SNX29: variants seen among roughly 807,000 people sequenced by gnomAD.
SNX29 encodes sorting nexin 29.
Under a neutral mutation model 102.1 loss-of-function variants are expected in SNX29, and 78 were observed. That is an observed-to-expected ratio of 0.76 (90% confidence interval 0.64 to 0.92). The LOEUF (loss-of-function observed/expected upper bound fraction) is 0.92, where lower values mean the gene tolerates loss of function less well. Ranked by LOEUF, SNX29 falls within the 40% of genes least tolerant of loss-of-function variation. SNX29 has a pLI of 0.00. For missense variants in SNX29, 1,280 were observed against 1,061.7 expected (o/e 1.21, Z -2.86); for synonymous variants, 580 against 414.5 (o/e 1.40, Z -4.85).
chr16:12,559,522 C>G (rs546334376), intron 20 of SNX29, among the ~76,000 whole-genome samples: 5 of 152,052 alleles, frequency 3.3e-5, no homozygotes, highest in African/African-American at 7.2e-5. Context: ...CACTTTGTAT[C>G]TCAAAAGCAT....
intron 14 of SNX29, among the ~76,000 whole-genome samples, chr16:12,260,495 C>G (rs1461004467): frequency 6.6e-6 from 1 of 152,190 alleles, no homozygotes; most frequent in East Asian, 1.9e-4. Flanking sequence ...GTCTAGAAGT[C>G]TCTCCACAAA....
intron 18 of SNX29, 33 bp downstream of exon 18, chr16:12,403,562 C>G: frequency 1.9e-6 from 3 of 1,574,130 alleles, no homozygotes; most frequent in Non-Finnish European, 2.6e-6. Context: ...GACATCACAG[C>G]TGGGTGGAAA....
At position 12,572,121 on chromosome 16, in the gene SNX29, G is replaced by A. The variant is rs2079200767; in HGVS notation, c.*3492G>A. 6.8e-6 allele frequency: 7 copies of A among 1,034,736 alleles called. No individual in the cohort carries two copies. The highest frequency in any genetic ancestry group is 8.2e-6 in the Non-Finnish European group (7 of 851,870). 64.1% of individuals were successfully genotyped at this position (1,034,736 alleles called of 1,614,324 possible). A position where few individuals can be genotyped will look rare whatever the true frequency, so the allele number is the denominator to read the frequency against. ...TGGACTGGGTCTGATCACAGCCCTT[G>A]GCCCTGCTTCATACTTTGGAGCTTA... On this transcript the variant is annotated 3_prime_UTR_variant, in exon 21 of 21. Coordinates refer to ENST00000566228, the MANE Select transcript of SNX29 (RefSeq NM_032167.5).
At chr16:12,567,220 A>G (rs569842448) in intron 20 of SNX29, among the ~76,000 whole-genome samples, 23 of 152,366 alleles carry the variant, frequency 1.5e-4, no homozygotes, top group African/African-American at 5.5e-4. Context: ...TAAACCACAG[A>G]TAAGGCAGAG....
Position 12,157,148 on chromosome 16 carries a change from G to A in SNX29, c.1595+27390G>A, listed in dbSNP as rs149359072. On this transcript the variant is annotated intron_variant, in intron 13 of 20. Transcript: ENST00000566228. ...GTCCCCCGAGGAGTGTGGAGAACAT[G>A]CCTCGCAGTCGCCTCGGAAGGATGG... 1.4e-4 allele frequency among the ~76,000 whole-genome samples: 22 copies of A among 152,296 alleles called. No homozygotes were observed. The East Asian group carries it at 4.1e-3, about 28-fold the overall frequency.
chr16:12,549,807 T>C (rs1477821719), intron 20 of SNX29, among the ~76,000 whole-genome samples: 1 of 152,238 alleles, frequency 6.6e-6, no homozygotes. Flanking sequence ...CATCATGGCT[T>C]CTGTGCCCTG....
At chr16:11,984,619 C>CCTCCCTCT (rs1271834535) in intron 1 of SNX29, among the ~76,000 whole-genome samples, 37 of 151,944 alleles carry the variant, frequency 2.4e-4, no homozygotes, top group Admixed American at 2.2e-3. Context: ...CTCTCCCTCT[C>CCTCCCTCT]CTCCCTCTCT....
At chr16:12,544,468 G>A (rs1348565332) in intron 20 of SNX29, among the ~76,000 whole-genome samples, 1 of 152,288 alleles carries the variant, frequency 6.6e-6, no homozygotes, top group East Asian at 1.9e-4. Flanking sequence ...TTCTGAAGAG[G>A]CCGATTTTAT....
intron 15 of SNX29, among the ~76,000 whole-genome samples, chr16:12,347,023 T>G (rs2081833095): frequency 2.0e-5 from 3 of 152,222 alleles, no homozygotes; most frequent in African/African-American, 7.2e-5. Context: ...TGAGCTGTTT[T>G]TAGTGATGGG....
At chr16:12,417,087 C>T (rs533292819) in intron 18 of SNX29, among the ~76,000 whole-genome samples, 1 of 152,358 alleles carries the variant, frequency 6.6e-6, no homozygotes, top group African/African-American at 2.4e-5. Flanking sequence ...GGGTGCCAGC[C>T]ACCTCAGGCA....
At chr16:12,169,324 C>T (rs1252785761) in intron 13 of SNX29, among the ~76,000 whole-genome samples, 4 of 152,132 alleles carry the variant, frequency 2.6e-5, no homozygotes, top group South Asian at 2.1e-4. Context: ...TTCATGGCCC[C>T]GTGAGGCTGT....
intron 14 of SNX29, among the ~76,000 whole-genome samples, chr16:12,261,531 T>C (rs1454103727): frequency 7.8e-5 from 9 of 115,958 alleles, no homozygotes; most frequent in Admixed American, 1.7e-4. Context: ...TCTGTGCACG[T>C]GTCCCCGGCT....
intron 15 of SNX29, among the ~76,000 whole-genome samples, chr16:12,348,197 C>A (rs2081877966): frequency 6.6e-6 from 1 of 152,164 alleles, no homozygotes; most frequent in Admixed American, 6.5e-5. Context: ...TCATTTTTCT[C>A]CTTGACATGG....
intron 14 of SNX29, among the ~76,000 whole-genome samples, chr16:12,214,689 C>T (rs34896667): frequency 2.6e-5 from 4 of 151,788 alleles, no homozygotes; most frequent in East Asian, 3.9e-4. Flanking sequence ...TTTGCATTTC[C>T]GTAGAAATAG....
intron 13 of SNX29, among the ~76,000 whole-genome samples, chr16:12,132,722 A>T (rs1173406450): frequency 6.6e-6 from 1 of 152,248 alleles, no homozygotes; most frequent in Non-Finnish European, 1.5e-5. Context: ...AGGCAGTTTT[A>T]TAATCCCTAT....
At chr16:12,495,200 G>A (rs771385380) in intron 19 of SNX29, among the ~76,000 whole-genome samples, 3 of 152,046 alleles carry the variant, frequency 2.0e-5, no homozygotes, top group Non-Finnish European at 4.4e-5. Context: ...GCTCAGGCCT[G>A]GAGCACAGTG....
At chr16:12,508,595 C>T (rs778296855) in intron 19 of SNX29, among the ~76,000 whole-genome samples, 43 of 152,358 alleles carry the variant, frequency 2.8e-4, no homozygotes, top group Non-Finnish European at 5.7e-4. Flanking sequence ...GCTGGCCCTG[C>T]GAGCTCCTGC....
chr16:12,193,811 T>C (rs543999592), intron 13 of SNX29, among the ~76,000 whole-genome samples: 3 of 152,318 alleles, frequency 2.0e-5, no homozygotes, highest in East Asian at 3.9e-4. Flanking sequence ...TGTGTATGGG[T>C]TTATTCCCTG....
At chr16:12,270,956 T>TG (rs1043016057) in intron 14 of SNX29, among the ~76,000 whole-genome samples, 25 of 152,264 alleles carry the variant, frequency 1.6e-4, no homozygotes, top group Admixed American at 1.0e-3. Flanking sequence ...GGCAGGAGAA[T>TG]GGCTTGAACT....
Sources: gnomAD v4.1 joint callset for allele counts (sites outside exome capture counted in the v4.1 genomes callset) on GRCh38, gnomAD v4.1.1 for gene constraint, MANE v1.5 for transcripts, NCBI Gene and HGNC (gene_info 2026-07-23, HGNC 2026-07-21) for gene names.